The following PRKAG2 variants were observed in gnomAD, a reference collection of about 807,000 sequenced individuals.
PRKAG2 encodes the protein 5'-AMP-activated protein kinase subunit gamma-2.
In PRKAG2, 26 loss-of-function variants were observed where a neutral mutation model predicts 69.6. That is an observed-to-expected ratio of 0.37 (90% confidence interval 0.27 to 0.52). PRKAG2 has a LOEUF of 0.52. Among genes scored for constraint, PRKAG2 ranks in the 20% least tolerant of loss-of-function variants. PRKAG2 has a pLI of 0.90. For synonymous variants in PRKAG2, 293 were observed against 285.0 expected (o/e 1.03, Z -0.28); for missense variants, 557 against 740.0 (o/e 0.75, Z 2.87).
At chr7:151,669,318 T>G (rs1407209136) in intron 4 of PRKAG2, among the ~76,000 whole-genome samples, 2 of 152,232 alleles carry the variant, frequency 1.3e-5, no homozygotes, top group African/African-American at 4.8e-5. Context: ...ACATGGCTTC[T>G]GCTGTCGACC....
intron 3 of PRKAG2, among the ~76,000 whole-genome samples, chr7:151,779,994 G>A (rs1586479305): frequency 6.6e-6 from 1 of 152,314 alleles, no homozygotes; most frequent in African/African-American, 2.4e-5. Flanking sequence ...CTTGAGTGAG[G>A]GGTGTGTGTA....
At chr7:151,662,659 G>A (rs1273387233) in intron 4 of PRKAG2, among the ~76,000 whole-genome samples, 1 of 152,154 alleles carries the variant, frequency 6.6e-6, no homozygotes, top group African/African-American at 2.4e-5. Flanking sequence ...CCAGCACTTT[G>A]GGAGGCCAAG....
intron 4 of PRKAG2, among the ~76,000 whole-genome samples, chr7:151,636,040 A>G (rs1321645202): frequency 6.6e-6 from 1 of 151,328 alleles, no homozygotes; most frequent in Non-Finnish European, 1.5e-5. Context: ...TTTAGTAGAG[A>G]CTGGGTTTCA....
chr7:151,586,891 A>G (rs1487107513), intron 6 of PRKAG2, among the ~76,000 whole-genome samples: 6 of 152,172 alleles, frequency 3.9e-5, no homozygotes, highest in Non-Finnish European at 5.9e-5. Flanking sequence ...ACTTTTGATC[A>G]TGTGCTCTGC....
In PRKAG2 at chr7:151,675,724, G is replaced by T. The variant is rs997482648; in HGVS notation, c.467-87C>A. 5 of 1,297,284 alleles carry T rather than the reference G, an allele frequency of 3.9e-6. No individual in the cohort carries two copies. In the East Asian group the frequency reaches 1.2e-4, roughly 30 times the overall value. 80.4% of individuals were successfully genotyped at this position (1,297,284 alleles called of 1,614,324 possible). On this transcript the variant is annotated intron_variant, in intron 3 of 15. Transcript: ENST00000287878. ...GTCAGAGGTCTGGTCTCCAGGAAGG[G>T]AGATGGGGAGAGGTCAGAGGTCCGG...
At position 151,671,170 on chromosome 7, in the gene PRKAG2, T is replaced by C. The variant is rs1264040210; in HGVS notation, c.684+4250A>G. 9.8e-5 allele frequency among the ~76,000 whole-genome samples: 4 copies of C among 40,620 alleles called. No individual in the cohort carries two copies. In the East Asian group the frequency reaches 2.6e-3, roughly 26 times the overall value. 26.6% of individuals were successfully genotyped at this position (40,620 alleles called of 152,430 possible). On this transcript the variant is annotated intron_variant, in intron 4 of 15. Transcript: ENST00000287878. ...GCCTGGGTGACAGAGCTAGACTGTC[T>C]CAAAAAAAAAAAAAAAAAAAAAAAA...
intron 6 of PRKAG2, among the ~76,000 whole-genome samples, chr7:151,582,090 G>C (rs1585035480): frequency 6.6e-6 from 1 of 152,338 alleles, no homozygotes; most frequent in Middle Eastern, 3.4e-3. Context: ...CAATGGCAGG[G>C]AGGGATGGAG....
At chr7:151,673,636 T>G (rs1832419447) in intron 4 of PRKAG2, among the ~76,000 whole-genome samples, 1 of 152,150 alleles carries the variant, frequency 6.6e-6, no homozygotes, top group African/African-American at 2.4e-5. Flanking sequence ...TGAACAAGAA[T>G]AGGAATAGTA....
chr7:151,837,849 C>T (rs779871988), intron 1 of PRKAG2, among the ~76,000 whole-genome samples: 5 of 152,192 alleles, frequency 3.3e-5, no homozygotes, highest in South Asian at 4.1e-4. Flanking sequence ...CCAGAGTTCC[C>T]GCCCCCTGCA....
intron 11 of PRKAG2, among the ~76,000 whole-genome samples, chr7:151,566,974 T>C (rs1806401200): frequency 6.6e-6 from 1 of 152,186 alleles, no homozygotes; most frequent in Non-Finnish European, 1.5e-5. Context: ...TATGAGGCAG[T>C]ACTGGGCAGA....
intron 5 of PRKAG2, among the ~76,000 whole-genome samples, chr7:151,615,889 A>C (rs531437552): frequency 1.8e-4 from 28 of 152,346 alleles, no homozygotes; most frequent in Non-Finnish European, 2.9e-4. Flanking sequence ...TGCACCTTCA[A>C]CACCACTGGG....
intron 1 of PRKAG2, among the ~76,000 whole-genome samples, chr7:151,853,052 T>C (rs1435948378): frequency 6.6e-6 from 1 of 152,226 alleles, no homozygotes; most frequent in East Asian, 1.9e-4. Context: ...AGGGTAAACC[T>C]AGTGTCTCTG....
At chr7:151,584,367 G>A (rs1319093119) in intron 6 of PRKAG2, among the ~76,000 whole-genome samples, 2 of 152,070 alleles carry the variant, frequency 1.3e-5, no homozygotes, top group African/African-American at 2.4e-5. Context: ...CATGCCAACT[G>A]TTAGCAGTCA....
At chr7:151,651,250 A>G (rs1828443869) in intron 4 of PRKAG2, among the ~76,000 whole-genome samples, 1 of 152,238 alleles carries the variant, frequency 6.6e-6, no homozygotes. Flanking sequence ...CAGTGAGCCA[A>G]TATTTTCCAG....
chr7:151,839,793 G>C (rs1228436663), intron 1 of PRKAG2, among the ~76,000 whole-genome samples: 3 of 152,150 alleles, frequency 2.0e-5, no homozygotes, highest in East Asian at 1.9e-4. Context: ...TTGGGTAGTG[G>C]TCCATCCAGG....
At position 151,756,459 on chromosome 7, in the gene PRKAG2, C is replaced by T. The variant is rs547089910; in HGVS notation, c.466+24693G>A. On this transcript the variant is annotated intron_variant, in intron 3 of 15. Coordinates refer to ENST00000287878, the MANE Select transcript of PRKAG2 (RefSeq NM_016203.4). This position sits in a 1 kb window ranked among gnomAD's most constrained non-coding sequence, Gnocchi z 4.9. The stretch of plus-strand genomic sequence containing the variant: ...GGCACACGCAACGACTCAGTGGTGC[C>T]TCCAGGCGAGCGGGTACCTGCGCTG... Among the ~76,000 whole-genome samples the T allele has an allele frequency of 6.6e-6, 1 of 152,356 alleles. No individual in the cohort carries two copies. The highest frequency in any genetic ancestry group is 1.9e-4 in the East Asian group (1 of 5,172).
intron 3 of PRKAG2, among the ~76,000 whole-genome samples, chr7:151,696,995 C>T (rs551677251): frequency 1.3e-5 from 2 of 152,234 alleles, no homozygotes; most frequent in Admixed American, 1.3e-4. Context: ...AAAGTGGACC[C>T]TGCCCCCAGA....
intron 4 of PRKAG2, among the ~76,000 whole-genome samples, chr7:151,651,899 C>G (rs6967683): frequency 0.054 from 8,276 of 152,026 alleles, 794 homozygotes; most frequent in African/African-American, 0.19. Context: ...GAGACTGGGG[C>G]TGGGGTTGGA....
intron 3 of PRKAG2, among the ~76,000 whole-genome samples, chr7:151,707,886 G>T (rs1317620559): frequency 9.2e-5 from 14 of 152,194 alleles, no homozygotes; most frequent in Non-Finnish European, 1.9e-4. Flanking sequence ...AGCCAGCACC[G>T]GCCCCAAGGC....
Sources: allele counts gnomAD v4.1 joint callset (sites outside exome capture counted in the v4.1 genomes callset), GRCh38; gene constraint gnomAD v4.1.1; non-coding constraint Gnocchi (gnomAD v3.1); transcripts MANE v1.5; gene names NCBI Gene and HGNC (gene_info 2026-07-23, HGNC 2026-07-21).